The following ITPR3 variants were observed in gnomAD, a reference collection of about 807,000 sequenced individuals.
ITPR3 encodes inositol 1,4,5-trisphosphate-gated calcium channel ITPR3.
ITPR3 carries 173 observed loss-of-function variants against 293.2 expected under a neutral mutation model. That is an observed-to-expected ratio of 0.59 (90% confidence interval 0.52 to 0.67). The LOEUF is 0.67. ITPR3 is among the 30% of genes least tolerant of loss of function. ITPR3 has a pLI of 0.00. For synonymous variants in ITPR3, 1,295 were observed against 1,444.4 expected, an observed-to-expected ratio of 0.90 and a Z score of 2.35; for missense variants, 2,796 against 3,592.1, an observed-to-expected ratio of 0.78 and a Z score of 5.66.
Position 33,684,332 on chromosome 6 carries a change from T to C in ITPR3, c.4938-25T>C. On this transcript the variant is annotated intron_variant, in intron 36 of 57. Coordinates refer to ENST00000605930, the MANE Select transcript of ITPR3 (RefSeq NM_002224.4). The surrounding 1 kb of genome is among the most constrained non-coding windows in gnomAD (Gnocchi z 4.2). ...GGAGGGAGGCAGTGTGGGGCTGCCC[T>C]GAGCTGCCTCCTTGGCCGGCTCAGG... The C allele has an allele frequency of 6.2e-7, 1 of 1,608,000 alleles. No individual in the cohort carries two copies. Among genetic ancestry groups the C allele is most frequent in the Non-Finnish European group, 8.5e-7 (1 of 1,174,908 alleles).
rs774177939 is a variant in ITPR3, at chr6:33,659,029, G to C, written c.537G>C (p.Val179=). 6.2e-7 allele frequency: 1 copy of C among 1,613,994 alleles called. No homozygotes were observed. Among genetic ancestry groups the C allele is most frequent in the African/African-American group, 1.3e-5 (1 of 74,914 alleles). ...CCCACCTGTCTGCTCAGGTGGTCGT[G>C]GGGGACAAGGTGATCCTGAATCCTG... ...KLRSNGDNVV[V]GDKVILNPVN... Residue 179 remains valine, a synonymous_variant, in exon 6 of 58, where the codon GTG becomes GTC. Transcript: ENST00000605930.
rs535421060 is a variant in ITPR3, at chr6:33,640,207, G to T, written c.90-277G>T. 9.9e-5 allele frequency among the ~76,000 whole-genome samples: 15 copies of T among 152,268 alleles called. No homozygotes were observed. The South Asian group carries it at 2.1e-3, about 21-fold the overall frequency. On this transcript the variant is annotated intron_variant, in intron 1 of 57. Coordinates refer to ENST00000605930, the MANE Select transcript of ITPR3 (RefSeq NM_002224.4). Reference sequence around the variant, plus strand: ...CAGCATGTGACAGGCCCGACTGGTGGCAGAGTCCCCCCAGGACAGCTGCAG... The same window carrying T: ...CAGCATGTGACAGGCCCGACTGGTGTCAGAGTCCCCCCAGGACAGCTGCAG...
Position 33,667,929 on chromosome 6 carries a change from C to A in ITPR3, c.1851C>A (p.Thr617=). The A allele has an allele frequency of 6.2e-7, 1 of 1,614,222 alleles. No individual in the cohort carries two copies. The highest frequency in any genetic ancestry group is 8.5e-7 in the Non-Finnish European group (1 of 1,180,042). ...EKHITKTEVE[T]FVSLVRKNRE... ...ACATCACCAAGACCGAGGTGGAGAC[C>A]TTCGTCAGCCTTGTGCGCAAGAACC... The change falls in exon 16 of 58, where the codon ACC becomes ACA. Residue 617 remains threonine, a synonymous_variant. Transcript: ENST00000605930. The surrounding 1 kb of genome is among the most constrained non-coding windows in gnomAD (Gnocchi z 4.4).
intron 56 of ITPR3, 185 bp from the exon 57 acceptor site, chr6:33,694,739 G>T: frequency 1.5e-6 from 1 of 681,682 alleles, no homozygotes; most frequent in East Asian, 2.9e-5. Flanking sequence ...TGACAAGAGG[G>T]TTGACTGCCA....
intron 33 of ITPR3, among the ~76,000 whole-genome samples, chr6:33,681,316 C>A (rs1371333327): frequency 6.6e-6 from 1 of 152,206 alleles, no homozygotes; most frequent in Non-Finnish European, 1.5e-5. Context: ...GGCAGACGTG[C>A]CATCCATGGG....
intron 2 of ITPR3, among the ~76,000 whole-genome samples, chr6:33,644,823 C>G (rs1764029347): frequency 6.6e-6 from 1 of 151,218 alleles, no homozygotes; most frequent in Non-Finnish European, 1.5e-5. Flanking sequence ...GCCACCACGC[C>G]CAGCTAATTT....
At chr6:33,690,848 G>A (rs1398705472) in intron 51 of ITPR3, 69 bp from the exon 52 acceptor site, 6 of 1,442,130 alleles carry the variant, frequency 4.2e-6, no homozygotes, top group Non-Finnish European at 5.8e-6. Flanking sequence ...GGGTTCCAGT[G>A]GCAGCCCCAG....
intron 1 of ITPR3, among the ~76,000 whole-genome samples, chr6:33,627,347 T>C (rs1444916002): frequency 6.6e-6 from 1 of 152,228 alleles, no homozygotes; most frequent in East Asian, 1.9e-4. Context: ...CCTTTTATAT[T>C]CATAAATGAA....
chr6:33,649,667 G>A (rs1230163453), intron 2 of ITPR3, among the ~76,000 whole-genome samples: 1 of 152,242 alleles, frequency 6.6e-6, no homozygotes, highest in African/African-American at 2.4e-5. Flanking sequence ...ATTTCTTGCA[G>A]AGCTTTTACA....
At position 33,687,575 on chromosome 6, in the gene ITPR3, GC is replaced by G; in HGVS notation, c.6264+15del. 1 of 1,547,074 alleles carries G rather than the reference GC, an allele frequency of 6.5e-7. No individual in the cohort carries two copies. Among genetic ancestry groups the G allele is most frequent in the Non-Finnish European group, 8.9e-7 (1 of 1,122,670 alleles). On this transcript the variant is annotated intron_variant, in intron 46 of 57. Transcript: ENST00000605930. The surrounding 1 kb of genome is among the most constrained non-coding windows in gnomAD (Gnocchi z 5.3). ...GGTATCTCTTCCATGGTGGGTGCTG[GC>G]CCCGAGACTGGGGTGGGGGTGGGGC...
chr6:33,657,757 CTG>C (rs1361917816), intron 3 of ITPR3, among the ~76,000 whole-genome samples, 173 bp from the exon 4 acceptor site: 1 of 151,756 alleles, frequency 6.6e-6, no homozygotes, highest in Non-Finnish European at 1.5e-5. Context: ...GTGCAGCACT[CTG>C]GGTGCAGCAC....
Position 33,665,971 on chromosome 6 carries a change from A to C in ITPR3, c.1546A>C (p.Lys516Gln). Residue 516 changes from lysine (K) to glutamine (Q), a missense_variant, in exon 14 of 58, where the codon AAA (lysine) becomes CAA (glutamine). Lys to Gln is a moderately conservative substitution (Grantham distance 53). This residue lies in a region of ITPR3 where 955 missense variants were observed against 1,180.8 expected (regional missense o/e 0.81). Coordinates refer to ENST00000605930, the MANE Select transcript of ITPR3 (RefSeq NM_002224.4). The part of the protein sequence containing the change: ...QKLMREQNIL[K>Q]QVFGILKAPF... ...GCTGATGAGGGAGCAGAACATCCTC[A>C]AACAGGTGCGTGTGCACCCATGAGG... is the stretch of plus-strand genomic sequence containing the variant. The C allele has an allele frequency of 1.2e-6, 2 of 1,606,220 alleles. No individual in the cohort carries two copies. Among genetic ancestry groups the C allele is most frequent in the Non-Finnish European group, 1.7e-6 (2 of 1,176,162 alleles).
intron 2 of ITPR3, among the ~76,000 whole-genome samples, 180 bp downstream of exon 2, chr6:33,640,734 G>T (rs1260532812): frequency 6.6e-6 from 1 of 152,208 alleles, no homozygotes; most frequent in Non-Finnish European, 1.5e-5. Flanking sequence ...TCTTGGCACA[G>T]ACGTGCCATT....
intron 2 of ITPR3, among the ~76,000 whole-genome samples, chr6:33,647,912 C>T (rs1314659613): frequency 6.6e-6 from 1 of 152,078 alleles, no homozygotes; most frequent in Non-Finnish European, 1.5e-5. Context: ...GGCGGGAGCT[C>T]GGTGATTGCC....
chr6:33,662,416 A>T, intron 7 of ITPR3, 112 bp from the exon 8 acceptor site: 1 of 1,250,340 alleles, frequency 8.0e-7, no homozygotes, highest in Non-Finnish European at 1.1e-6. Context: ...GCTCTGGAAG[A>T]GGGGCCCTGC....
At position 33,632,402 on chromosome 6, in the gene ITPR3, CCTT is replaced by C. The variant is rs770040718; in HGVS notation, c.90-8081_90-8079del. Among the ~76,000 whole-genome samples, 4 of 152,200 alleles carry C rather than the reference CCTT, an allele frequency of 2.6e-5. No individual in the cohort carries two copies. The highest frequency in any genetic ancestry group is 7.2e-5 in the African/African-American group (3 of 41,440). On this transcript the variant is annotated intron_variant, in intron 1 of 57. Coordinates refer to ENST00000605930, the MANE Select transcript of ITPR3 (RefSeq NM_002224.4). This position sits in a 1 kb window ranked among gnomAD's most constrained non-coding sequence, Gnocchi z 4.1. Reference sequence around the variant, plus strand: ...ACTTCTATCTAGCTCCCTTCCTCCTCCTTATCTAATCTTTCCAGACAGCACTGA... The same window carrying C: ...ACTTCTATCTAGCTCCCTTCCTCCTCATCTAATCTTTCCAGACAGCACTGA...
At chr6:33,669,355 C>T (rs1183962288) in intron 18 of ITPR3, among the ~76,000 whole-genome samples, 199 bp downstream of exon 18, 3 of 152,186 alleles carry the variant, frequency 2.0e-5, no homozygotes, top group Non-Finnish European at 2.9e-5. Context: ...CTGTGTGCCC[C>T]GAATAGCACT....
At chr6:33,660,345 C>T (rs1259325523) in intron 7 of ITPR3, among the ~76,000 whole-genome samples, 1 of 151,998 alleles carries the variant, frequency 6.6e-6, no homozygotes, top group East Asian at 1.9e-4. Context: ...GTCTTAGGTG[C>T]TCCTCCCTGC....
rs748750344 is a variant in ITPR3, at chr6:33,664,996, G to A, written c.1248+27G>A. 2 of 1,580,338 alleles carry A rather than the reference G, an allele frequency of 1.3e-6. No homozygotes were observed. Among genetic ancestry groups the A allele is most frequent in the East Asian group, 4.5e-5 (2 of 44,686 alleles). On this transcript the variant is annotated intron_variant, in intron 12 of 57. Transcript: ENST00000605930. The surrounding 1 kb of genome is among the most constrained non-coding windows in gnomAD (Gnocchi z 4.4). ...TGCGTGTCCCTGGGGTGGGGGTGGGGCTGGGGCCAGGGCCGGAGCTTGTTC... is the reference window on the plus strand; with the variant it reads ...TGCGTGTCCCTGGGGTGGGGGTGGGACTGGGGCCAGGGCCGGAGCTTGTTC...
Sources: allele counts gnomAD v4.1 joint callset (sites outside exome capture counted in the v4.1 genomes callset), GRCh38; gene constraint gnomAD v4.1.1; regional missense constraint gnomAD v4.1.1; non-coding constraint Gnocchi (gnomAD v3.1); transcripts MANE v1.5; gene names NCBI Gene and HGNC (gene_info 2026-07-23, HGNC 2026-07-21).